LCOR: variants seen among roughly 807,000 people sequenced by gnomAD.
LCOR encodes the protein ligand dependent nuclear receptor corepressor, also known as ligand-dependent corepressor.
Under a neutral mutation model 64.4 loss-of-function variants are expected in LCOR, and 14 were observed. The observed-to-expected ratio is 0.22, with a 90% CI of 0.14 to 0.34. The LOEUF is 0.34. Among genes scored for constraint, LCOR ranks in the 10% least tolerant of loss-of-function variants. The pLI is 1.00. For missense variants in LCOR, 1,686 were observed against 1,765.3 expected (o/e 0.96, Z 0.80); for synonymous variants, 643 against 642.5 (o/e 1.00, Z -0.01).
At chr10:96,832,637 C>T (rs1223912795) in intron 1 of LCOR, among the ~76,000 whole-genome samples, 1 of 149,444 alleles carries the variant, frequency 6.7e-6, no homozygotes, top group Non-Finnish European at 1.5e-5. Context: ...CCGGGGCTGG[C>T]TCTCGGCGGG....
intron 2 of LCOR, among the ~76,000 whole-genome samples, chr10:96,846,311 G>A (rs1845629331): frequency 6.6e-6 from 1 of 151,962 alleles, no homozygotes; most frequent in South Asian, 2.1e-4. Context: ...CTGGAGTACA[G>A]TTGTGCATTC....
chr10:96,987,689 A>T lies in LCOR; in HGVS notation c.*2555A>T, dbSNP rs186354556. On this transcript the variant is annotated 3_prime_UTR_variant, in exon 8 of 8. Coordinates refer to ENST00000421806, the MANE Select transcript of LCOR (RefSeq NM_001346516.2). ...GTTTAGAATTTTTTATATTTGTTGA[A>T]TCTCATTTTTGCTGATTCAGTTAAT... 8 of 152,336 alleles carry T rather than the reference A, an allele frequency of 5.3e-5. No individual in the cohort carries two copies. In the East Asian group the frequency reaches 1.5e-3, roughly 29 times the overall value. 9.4% of individuals were successfully genotyped at this position (152,336 alleles called of 1,614,324 possible).
chr10:96,856,329 G>A (rs1239283642), intron 2 of LCOR, among the ~76,000 whole-genome samples: 2 of 152,156 alleles, frequency 1.3e-5, no homozygotes, highest in Non-Finnish European at 2.9e-5. Context: ...CCAAAGTGAT[G>A]GGATTATAGG....
At chr10:96,972,668 A>G (rs532624419) in intron 7 of LCOR, among the ~76,000 whole-genome samples, 4 of 152,220 alleles carry the variant, frequency 2.6e-5, no homozygotes, top group Non-Finnish European at 5.9e-5. Flanking sequence ...GATACAATAT[A>G]TAAGCCTTAA....
chr10:96,882,432 A>C (rs953823729), intron 2 of LCOR, among the ~76,000 whole-genome samples: 4 of 152,194 alleles, frequency 2.6e-5, no homozygotes, highest in Non-Finnish European at 5.9e-5. Context: ...TAGTTAATAA[A>C]CTTTATTTCT....
At chr10:96,924,526 G>A (rs1847134639) in intron 4 of LCOR, among the ~76,000 whole-genome samples, 1 of 151,930 alleles carries the variant, frequency 6.6e-6, no homozygotes, top group African/African-American at 2.4e-5. Flanking sequence ...ATAGATGTGA[G>A]CTACTGCGCC....
At chr10:96,843,876 T>G (rs1489909822) in intron 2 of LCOR, among the ~76,000 whole-genome samples, 1 of 152,168 alleles carries the variant, frequency 6.6e-6, no homozygotes, top group African/African-American at 2.4e-5. Context: ...TTTGCTTCTG[T>G]TTTGTTTACT....
At chr10:96,900,838 T>A (rs7081177) in intron 2 of LCOR, among the ~76,000 whole-genome samples, 6,765 of 151,676 alleles carry the variant, frequency 0.045, 524 homozygotes, top group African/African-American at 0.15. Context: ...ATTTTTCCTC[T>A]AGAATTTTGT....
At chr10:96,975,875 C>T (rs1207303293) in intron 7 of LCOR, among the ~76,000 whole-genome samples, 3 of 151,762 alleles carry the variant, frequency 2.0e-5, no homozygotes, top group African/African-American at 7.3e-5. Context: ...GCTAGCCGGA[C>T]GTGGTGGTGG....
At chr10:96,852,607 A>T (rs1845739531) in intron 2 of LCOR, among the ~76,000 whole-genome samples, 1 of 152,214 alleles carries the variant, frequency 6.6e-6, no homozygotes, top group Non-Finnish European at 1.5e-5. Context: ...AGTATTTTGG[A>T]TAAGGGATAC....
chr10:96,867,374 A>G lies in LCOR; in HGVS notation c.-330+33895A>G, dbSNP rs117927753. Among the ~76,000 whole-genome samples, 6 of 152,272 alleles carry G rather than the reference A, an allele frequency of 3.9e-5. No homozygotes were observed. In the East Asian group the frequency reaches 1.2e-3, roughly 29 times the overall value. ...TACTTTGTCAGGCTGAGGTAGGAGG[A>G]TCATTTGAGTCCAGGAGTTTGAGAC... On this transcript the variant is annotated intron_variant, in intron 2 of 7. Coordinates refer to ENST00000421806, the MANE Select transcript of LCOR (RefSeq NM_001346516.2).
At chr10:96,852,595 G>A (rs975200186) in intron 2 of LCOR, among the ~76,000 whole-genome samples, 2 of 152,204 alleles carry the variant, frequency 1.3e-5, no homozygotes, top group African/African-American at 2.4e-5. Flanking sequence ...CTTCTGGTCT[G>A]AAGTATTTTG....
chr10:96,937,565 T>C (rs1847372660), intron 4 of LCOR, among the ~76,000 whole-genome samples: 2 of 152,192 alleles, frequency 1.3e-5, no homozygotes, highest in African/African-American at 2.4e-5. Context: ...TTGCCCAGGC[T>C]GGTCTTGAAC....
At chr10:96,970,653 A>ATTTTATTTATTTTATTTTAT (rs1208672189) in intron 7 of LCOR, among the ~76,000 whole-genome samples, 1 of 140,798 alleles carries the variant, frequency 7.1e-6, no homozygotes, top group African/African-American at 2.6e-5. Context: ...ATTTTATTTT[A>ATTTTATTTATTTTATTTTAT]TTTATTTTAT....
intron 2 of LCOR, among the ~76,000 whole-genome samples, chr10:96,905,223 T>C (rs1176288943): frequency 2.0e-5 from 3 of 152,202 alleles, no homozygotes; most frequent in Non-Finnish European, 4.4e-5. Flanking sequence ...TTCCTGGCAT[T>C]ATTTCTTGCT....
chr10:96,950,173 A>T (rs1395942149), intron 6 of LCOR, among the ~76,000 whole-genome samples: 1 of 152,162 alleles, frequency 6.6e-6, no homozygotes, highest in Non-Finnish European at 1.5e-5. Flanking sequence ...GATTTATTGT[A>T]ACCTTTATTT....
chr10:96,846,200 C>CT (rs894053246), intron 2 of LCOR, among the ~76,000 whole-genome samples: 34 of 152,040 alleles, frequency 2.2e-4, no homozygotes, highest in African/African-American at 8.0e-4. Context: ...CAGCAAGACT[C>CT]TATCTCAAAA....
rs765302956 is a variant in LCOR at position 96,984,399 on chromosome 10, T to C, written c.3939T>C (p.Tyr1313=). 3 of 1,614,200 alleles carry C rather than the reference T, an allele frequency of 1.9e-6. No homozygotes were observed. The highest frequency in any genetic ancestry group is 1.1e-5 in the South Asian group (1 of 91,086). The change falls in exon 8 of 8, where the codon TAT becomes TAC. Residue 1313 remains tyrosine, a synonymous_variant. Coordinates refer to ENST00000421806, the MANE Select transcript of LCOR (RefSeq NM_001346516.2). The stretch of plus-strand genomic sequence containing the variant: ...CCAGTACCCGGATTCTTAGAAAATA[T>C]TCCAATATTCGAGGAAAGCTCAGAG... ...TPASTRILRK[Y]SNIRGKLRAQ... is the part of the protein sequence containing the mutation.
At chr10:96,952,792 C>G (rs1179409674) in intron 7 of LCOR, among the ~76,000 whole-genome samples, 1 of 152,152 alleles carries the variant, frequency 6.6e-6, no homozygotes, top group East Asian at 1.9e-4. Context: ...AGTATAAGAA[C>G]TGTCTTCTCC....
Sources: allele counts gnomAD v4.1 joint callset (sites outside exome capture counted in the v4.1 genomes callset), GRCh38; gene constraint gnomAD v4.1.1; transcripts MANE v1.5; gene names NCBI Gene and HGNC (gene_info 2026-07-23, HGNC 2026-07-21).